CACNA1B: variants seen among roughly 807,000 people sequenced by gnomAD.
The protein encoded by CACNA1B is voltage-dependent N-type calcium channel subunit alpha-1B.
In CACNA1B, 70 loss-of-function variants were observed where a neutral mutation model predicts 247.2. The observed-to-expected ratio is 0.28, with a 90% CI of 0.23 to 0.35. The LOEUF (loss-of-function observed/expected upper bound fraction) is 0.35, where lower values mean the gene tolerates loss of function less well. Among genes scored for constraint, CACNA1B ranks in the 10% least tolerant of loss-of-function variants. CACNA1B has a pLI of 1.00. For missense variants in CACNA1B, 2,367 were observed against 3,197.4 expected (o/e 0.74, Z 6.26); for synonymous variants, 1,231 against 1,294.4 (o/e 0.95, Z 1.05).
chr9:138,017,004 C>T (rs776133649), intron 18 of CACNA1B: 4 of 417,054 alleles, frequency 9.6e-6, no homozygotes, highest in Admixed American at 2.5e-5. Flanking sequence ...GTCTGACGGA[C>T]GCGTCTGCGG....
intron 3 of CACNA1B, among the ~76,000 whole-genome samples, chr9:137,896,607 T>G (rs1374536223): frequency 1.3e-5 from 2 of 152,250 alleles, no homozygotes; most frequent in East Asian, 1.9e-4. Context: ...GTCTTTGTCT[T>G]GTTTTGATGT....
chr9:137,915,120 T>C (rs1478489138), intron 5 of CACNA1B, among the ~76,000 whole-genome samples: 1 of 152,234 alleles, frequency 6.6e-6, no homozygotes, highest in Non-Finnish European at 1.5e-5. Context: ...AGCATCTGAA[T>C]GCAGGGAGAT....
intron 6 of CACNA1B, among the ~76,000 whole-genome samples, chr9:137,949,280 GT>G (rs1957848131): frequency 2.8e-4 from 4 of 14,290 alleles, no homozygotes; most frequent in East Asian, 1.9e-3. Context: ...TCTGGTGTGT[GT>G]GTTTGCGTGT....
intron 36 of CACNA1B, among the ~76,000 whole-genome samples, chr9:138,078,774 G>A (rs1385032188): frequency 6.6e-6 from 1 of 152,210 alleles, no homozygotes; most frequent in Admixed American, 6.5e-5. Context: ...GGGGGCAACA[G>A]TGGCCTGGAG....
At position 137,957,458 on chromosome 9, in the gene CACNA1B, A is replaced by T. The variant is rs1461719981; in HGVS notation, c.1244-140A>T. 4.1e-6 allele frequency: 2 copies of T among 492,776 alleles called. No homozygotes were observed. Among genetic ancestry groups the T allele is most frequent in the Admixed American group, 3.8e-5 (1 of 26,126 alleles). The allele number at this position is 492,776 out of a possible 1,614,324, so 30.5% of individuals were successfully genotyped here. Reference sequence around the variant, plus strand: ...GAGGGACCCAAGGGGGCCCACAATCATCCGGCCTCAGCCCCAGTTCAGGAC... The same window carrying T: ...GAGGGACCCAAGGGGGCCCACAATCTTCCGGCCTCAGCCCCAGTTCAGGAC... On this transcript the variant is annotated intron_variant, in intron 9 of 46. Coordinates refer to ENST00000371372, the MANE Select transcript of CACNA1B (RefSeq NM_000718.4). The surrounding 1 kb of genome is among the most constrained non-coding windows in gnomAD (Gnocchi z 4.7).
intron 3 of CACNA1B, among the ~76,000 whole-genome samples, chr9:137,907,527 C>T (rs1957312055): frequency 6.6e-6 from 1 of 152,218 alleles, no homozygotes; most frequent in Non-Finnish European, 1.5e-5. Flanking sequence ...TGTCAAGTGG[C>T]AGCTCTTCGT....
rs3750510 is a variant in CACNA1B, at chr9:138,122,900, C to T, written c.*901C>T. Reference sequence around the variant, plus strand: ...CCTCGGGATCCATCACCGCAGGATGCTGTGAAAAGTACTCGCGATGGCAGC... The same window carrying T: ...CCTCGGGATCCATCACCGCAGGATGTTGTGAAAAGTACTCGCGATGGCAGC... On this transcript the variant is annotated 3_prime_UTR_variant, in exon 47 of 47. Transcript: ENST00000371372. The T allele has an allele frequency of 0.87, 131,694 of 152,138 alleles. 57,099 individuals are homozygous for T. Among genetic ancestry groups the T allele is most frequent in the Middle Eastern group, 0.93 (272 of 294 alleles). 9.4% of individuals were successfully genotyped at this position (152,138 alleles called of 1,614,324 possible).
intron 6 of CACNA1B, among the ~76,000 whole-genome samples, chr9:137,932,995 C>T (rs529840647): frequency 3.9e-5 from 6 of 152,114 alleles, no homozygotes; most frequent in East Asian, 3.9e-4. Context: ...TGCAATGGTG[C>T]GATCTCAGCT....
At chr9:138,097,251 C>T (rs1337587734) in intron 37 of CACNA1B, among the ~76,000 whole-genome samples, 2 of 152,126 alleles carry the variant, frequency 1.3e-5, no homozygotes, top group Non-Finnish European at 2.9e-5. Flanking sequence ...GAAAGGTTTA[C>T]TTGTTTCAAA....
At chr9:138,104,096 G>A (rs1474604227) in intron 38 of CACNA1B, among the ~76,000 whole-genome samples, 1 of 152,252 alleles carries the variant, frequency 6.6e-6, no homozygotes, top group Non-Finnish European at 1.5e-5. Context: ...AAGGTTCTGG[G>A]CATGGAGAGA....
Position 138,120,176 on chromosome 9 carries a change from T to C in CACNA1B, c.6042T>C (p.Asp2014=). The part of the protein sequence containing the change: ...RLAAETQPVT[D]ASPMKRSIST... ...TCCTTTGCCCACAGCCCGTCACAGA[T>C]GCCAGCCCCATGAAGCGCTCCATCT... is the stretch of plus-strand genomic sequence containing the variant. The change falls in exon 45 of 47, where the codon GAT becomes GAC. Residue 2014 remains aspartate, a synonymous_variant. Coordinates refer to ENST00000371372, the MANE Select transcript of CACNA1B (RefSeq NM_000718.4). The C allele has an allele frequency of 6.2e-7, 1 of 1,603,762 alleles. No individual in the cohort carries two copies. The highest frequency in any genetic ancestry group is 8.5e-7 in the Non-Finnish European group (1 of 1,176,324).
At chr9:137,906,545 C>A (rs557849183) in intron 3 of CACNA1B, among the ~76,000 whole-genome samples, 3 of 152,164 alleles carry the variant, frequency 2.0e-5, no homozygotes, top group South Asian at 4.2e-4. Flanking sequence ...ATACGTCTTT[C>A]TCTGCATCCC....
Position 137,973,384 on chromosome 9 carries a change from A to C in CACNA1B, c.1543+1792A>C, listed in dbSNP as rs1958179749. On this transcript the variant is annotated intron_variant, in intron 11 of 46. Coordinates refer to ENST00000371372, the MANE Select transcript of CACNA1B (RefSeq NM_000718.4). This position sits in a 1 kb window ranked among gnomAD's most constrained non-coding sequence, Gnocchi z 4.1. ...GAGGGGGTGTGGCCGCCCAGCCTAG[A>C]GCAGCTTTGCAGGGGCTCATCGTGG... Among the ~76,000 whole-genome samples the C allele has an allele frequency of 6.6e-6, 1 of 152,164 alleles. No homozygotes were observed. The highest frequency in any genetic ancestry group is 6.5e-5 in the Admixed American group (1 of 15,284).
At chr9:138,032,695 C>T (rs997223699) in intron 20 of CACNA1B, 8 of 453,184 alleles carry the variant, frequency 1.8e-5, no homozygotes, top group Admixed American at 9.5e-5. Context: ...TTGAAAAAAA[C>T]GTGTGCCTCT....
At chr9:138,110,576 T>A (rs1319733900) in intron 39 of CACNA1B, among the ~76,000 whole-genome samples, 4 of 151,994 alleles carry the variant, frequency 2.6e-5, no homozygotes, top group African/African-American at 7.2e-5. Context: ...AAAATAATTT[T>A]AAAAAATCAG....
intron 31 of CACNA1B, among the ~76,000 whole-genome samples, chr9:138,065,764 A>C (rs1959892507): frequency 6.6e-6 from 1 of 152,182 alleles, no homozygotes; most frequent in African/African-American, 2.4e-5. Flanking sequence ...GCCATGGTTC[A>C]CCAGCTCTAC....
intron 3 of CACNA1B, among the ~76,000 whole-genome samples, chr9:137,896,111 C>T (rs975829528): frequency 2.6e-4 from 39 of 152,002 alleles, no homozygotes; most frequent in Middle Eastern, 3.4e-3. Flanking sequence ...TGGTGGCAGG[C>T]GCCTGTAGTC....
At position 137,899,828 on chromosome 9, in the gene CACNA1B, C is replaced by T. The variant is rs71510861; in HGVS notation, c.531-13352C>T. Among the ~76,000 whole-genome samples, 1 of 152,180 alleles carries T rather than the reference C, an allele frequency of 6.6e-6. No homozygotes were observed. The highest frequency in any genetic ancestry group is 2.4e-5 in the African/African-American group (1 of 41,436). ...TGACTGGCACCTGACCCACCTGCCCCGGCCCAGGGACCCCCGCACCTGTGC... is the reference window on the plus strand; with the variant it reads ...TGACTGGCACCTGACCCACCTGCCCTGGCCCAGGGACCCCCGCACCTGTGC... On this transcript the variant is annotated intron_variant, in intron 3 of 46. Transcript: ENST00000371372. This position sits in a 1 kb window ranked among gnomAD's most constrained non-coding sequence, Gnocchi z 5.0.
Position 137,888,918 on chromosome 9 carries a change from T to C in CACNA1B, c.530+6035T>C, listed in dbSNP as rs1588981954. 6.6e-6 allele frequency among the ~76,000 whole-genome samples: 1 copy of C among 150,976 alleles called. No homozygotes were observed. The highest frequency in any genetic ancestry group is 2.4e-5 in the African/African-American group (1 of 41,400). On this transcript the variant is annotated intron_variant, in intron 3 of 46. Transcript: ENST00000371372. This position sits in a 1 kb window ranked among gnomAD's most constrained non-coding sequence, Gnocchi z 4.7. The stretch of plus-strand genomic sequence containing the variant: ...GTCCACCCAGGGGAGCAGCAGCCCA[T>C]GTGCAAGTGTGCGGCTCAGGGATGA...
Sources: allele counts gnomAD v4.1 joint callset (sites outside exome capture counted in the v4.1 genomes callset), GRCh38; gene constraint gnomAD v4.1.1; non-coding constraint Gnocchi (gnomAD v3.1); transcripts MANE v1.5; gene names NCBI Gene and HGNC (gene_info 2026-07-23, HGNC 2026-07-21).